Variants in PHF21A observed in about 807,000 individuals in gnomAD.
The protein encoded by PHF21A is PHD finger protein 21A.
A neutral mutation model predicts 82.5 loss-of-function variants in PHF21A; 11 were observed. The ratio of observed to expected loss-of-function variants is 0.13; its 90% CI spans 0.08 to 0.22. PHF21A has a LOEUF of 0.22. Among genes scored for constraint, PHF21A ranks in the 10% least tolerant of loss-of-function variants. The pLI, the probability that PHF21A is intolerant of heterozygous loss-of-function variation, is 1.00. For synonymous variants in PHF21A, 297 were observed against 302.8 expected (o/e 0.98, Z 0.20); for missense variants, 579 against 837.8 (o/e 0.69, Z 3.81).
Position 46,112,387 on chromosome 11 carries a change from G to A in PHF21A, c.-237+8548C>T, listed in dbSNP as rs142813888. On this transcript the variant is annotated intron_variant, in intron 1 of 18. Transcript: ENST00000676320. The stretch of plus-strand genomic sequence containing the variant: ...ACTGCTGCTGCTGCTAATTCTAAAC[G>A]TTTACTGAGCCCTTATTATGTGCCA... Among the ~76,000 whole-genome samples the A allele has an allele frequency of 3.5e-3, 536 of 152,200 alleles. 3 individuals are homozygous for A. Among genetic ancestry groups the A allele is most frequent in the African/African-American group, 0.012 (500 of 41,530 alleles).
intron 6 of PHF21A, among the ~76,000 whole-genome samples, chr11:46,069,354 T>C (rs576389839): frequency 2.0e-5 from 3 of 152,342 alleles, no homozygotes; most frequent in Non-Finnish European, 4.4e-5. Context: ...GACTAAATCT[T>C]AGGAAATTCC....
intron 6 of PHF21A, among the ~76,000 whole-genome samples, chr11:45,983,719 T>C (rs1230025916): frequency 6.6e-6 from 1 of 152,132 alleles, no homozygotes; most frequent in Non-Finnish European, 1.5e-5. Flanking sequence ...TCCAGTCTCG[T>C]TCTAGTTCAG....
chr11:46,090,674 T>G (rs953158490), intron 2 of PHF21A, 108 bp from the exon 3 acceptor site: 1 of 151,858 alleles, frequency 6.6e-6, no homozygotes, highest in African/African-American at 2.4e-5. Flanking sequence ...ACTTATTTTT[T>G]GTGGAAGTAG....
intron 15 of PHF21A, among the ~76,000 whole-genome samples, chr11:45,944,901 G>C (rs750521494): frequency 5.3e-5 from 8 of 152,130 alleles, no homozygotes; most frequent in Non-Finnish European, 1.0e-4. Context: ...AGAGTAACTG[G>C]GATTACAGGA....
At chr11:46,092,966 G>A (rs897075127) in intron 1 of PHF21A, among the ~76,000 whole-genome samples, 2 of 151,816 alleles carry the variant, frequency 1.3e-5, no homozygotes, top group African/African-American at 4.8e-5. Context: ...TGTTGCCCAA[G>A]CTGGTATCAA....
At chr11:45,954,913 T>A (rs2092509667) in intron 10 of PHF21A, among the ~76,000 whole-genome samples, 1 of 152,194 alleles carries the variant, frequency 6.6e-6, no homozygotes, top group African/African-American at 2.4e-5. Context: ...CTGGAAATAT[T>A]TTACTAGATC....
intron 6 of PHF21A, among the ~76,000 whole-genome samples, chr11:46,012,526 G>A (rs1591966027): frequency 6.6e-6 from 1 of 152,128 alleles, no homozygotes; most frequent in African/African-American, 2.4e-5. Flanking sequence ...TTGGTCTTAC[G>A]CAAGTTAACT....
At chr11:46,075,162 C>G (rs2096710830) in intron 6 of PHF21A, among the ~76,000 whole-genome samples, 1 of 152,080 alleles carries the variant, frequency 6.6e-6, no homozygotes, top group Non-Finnish European at 1.5e-5. Context: ...AGTAAGGTCC[C>G]TAACAGAAAA....
At chr11:46,107,653 G>A (rs779611033) in intron 1 of PHF21A, among the ~76,000 whole-genome samples, 10 of 152,052 alleles carry the variant, frequency 6.6e-5, no homozygotes, top group Non-Finnish European at 1.2e-4. Context: ...CTTTTATAAC[G>A]AAAACTTTTT....
Position 45,933,739 on chromosome 11 carries a change from C to G in PHF21A, c.*229G>C, listed in dbSNP as rs2088025939. ...CATGGTGCTGGCAAAGAACCTCCAG[C>G]TGGCACTATTTCATGTAACATGGTC... On this transcript the variant is annotated 3_prime_UTR_variant, in exon 19 of 19. Transcript: ENST00000676320. 1 of 412,110 alleles carries G rather than the reference C, an allele frequency of 2.4e-6. No homozygotes were observed. Among genetic ancestry groups the G allele is most frequent in the African/African-American group, 2.1e-5 (1 of 48,726 alleles). The allele number at this position is 412,110 out of a possible 1,614,324, so 25.5% of individuals were successfully genotyped here. A position where few individuals can be genotyped will look rare whatever the true frequency, so the allele number is the denominator to read the frequency against.
chr11:45,974,418 A>AATTATTATTATTATT (rs59807950), intron 7 of PHF21A, among the ~76,000 whole-genome samples: 193 of 147,322 alleles, frequency 1.3e-3, no homozygotes, highest in African/African-American at 4.5e-3. Context: ...TCAAACGACA[A>AATTATTATTATTATT]ATTATTATTA....
chr11:46,026,501 A>C (rs1403948397), intron 6 of PHF21A, among the ~76,000 whole-genome samples: 1 of 152,188 alleles, frequency 6.6e-6, no homozygotes, highest in East Asian at 1.9e-4. Context: ...AAGGGAGAGC[A>C]TTGAGACTTT....
intron 6 of PHF21A, among the ~76,000 whole-genome samples, chr11:46,057,794 T>C (rs2096481452): frequency 6.6e-6 from 1 of 152,106 alleles, no homozygotes; most frequent in African/African-American, 2.4e-5. Context: ...GCATCATAAA[T>C]TTTCTAGATG....
intron 10 of PHF21A, among the ~76,000 whole-genome samples, chr11:45,954,941 T>C (rs774687097): frequency 6.6e-6 from 1 of 152,162 alleles, no homozygotes; most frequent in African/African-American, 2.4e-5. Context: ...CACAAGCACA[T>C]AGATCTTTGA....
intron 6 of PHF21A, among the ~76,000 whole-genome samples, chr11:45,996,829 C>T (rs1225395812): frequency 2.0e-5 from 3 of 152,198 alleles, no homozygotes; most frequent in Non-Finnish European, 4.4e-5. Context: ...GTTTGTGTTT[C>T]TGAGTATATC....
chr11:45,972,232 T>C (rs1338068918), intron 7 of PHF21A, among the ~76,000 whole-genome samples: 1 of 152,112 alleles, frequency 6.6e-6, no homozygotes, highest in Non-Finnish European at 1.5e-5. Context: ...TTAAGTGCTA[T>C]TGCAGCTTTG....
intron 1 of PHF21A, among the ~76,000 whole-genome samples, chr11:46,103,455 T>C (rs2097121371): frequency 6.6e-6 from 1 of 152,236 alleles, no homozygotes; most frequent in South Asian, 2.1e-4. Context: ...TTTAAAAATA[T>C]TTGTCGAGCC....
chr11:45,950,367 T>C, intron 11 of PHF21A, 110 bp from the exon 12 acceptor site: 1 of 782,216 alleles, frequency 1.3e-6, no homozygotes, highest in Non-Finnish European at 2.1e-6. Context: ...GCGGGTCTCA[T>C]GAATGCACAA....
intron 6 of PHF21A, among the ~76,000 whole-genome samples, chr11:46,035,534 C>T (rs1057476048): frequency 6.6e-6 from 1 of 152,074 alleles, no homozygotes; most frequent in African/African-American, 2.4e-5. Flanking sequence ...GAGTTTAAAA[C>T]CTAGAAGCAA....
Sources: allele counts gnomAD v4.1 joint callset (sites outside exome capture counted in the v4.1 genomes callset), GRCh38; gene constraint gnomAD v4.1.1; transcripts MANE v1.5; gene names NCBI Gene and HGNC (gene_info 2026-07-23, HGNC 2026-07-21).